Variants in MAP1LC3B2 observed in about 807,000 individuals in gnomAD.
MAP1LC3B2 encodes microtubule associated protein 1 light chain 3 beta 2, also known as microtubule-associated protein 1 light chain 3 beta 2.
For missense variants in MAP1LC3B2, 155 were observed against 154.6 expected (o/e 1.00, Z -0.01); for synonymous variants, 62 against 57.8 (o/e 1.07, Z -0.33).
chr12:116,575,939 C>A lies in MAP1LC3B2; in HGVS notation c.-4C>A. On this transcript the variant is annotated 5_prime_UTR_variant, in exon 2 of 2. Transcript: ENST00000556529. ...GTCGCCGCCGCGGCCCAGATCCCCA[C>A]ACCATGCCGTCGGAGAAGACCTTCA... 1 of 1,614,224 alleles carries A rather than the reference C, an allele frequency of 6.2e-7. No homozygotes were observed.
At chr12:116,571,347 G>A (rs913962743) in intron 1 of MAP1LC3B2, among the ~76,000 whole-genome samples, 2 of 151,236 alleles carry the variant, frequency 1.3e-5, no homozygotes, top group Non-Finnish European at 2.9e-5. Context: ...TCTGACTACT[G>A]TTGTGCAAGA....
chr12:116,572,592 C>T (rs530273198), intron 1 of MAP1LC3B2, among the ~76,000 whole-genome samples: 4 of 152,126 alleles, frequency 2.6e-5, no homozygotes, highest in Non-Finnish European at 2.9e-5. Context: ...TCTCGAACTC[C>T]TGACCTTTTG....
At chr12:116,566,523 A>G (rs1186349364) in intron 1 of MAP1LC3B2, among the ~76,000 whole-genome samples, 1 of 150,518 alleles carries the variant, frequency 6.6e-6, no homozygotes, top group Non-Finnish European at 1.5e-5. Context: ...CCAAATCCTT[A>G]AAATATCCAC....
rs890589835 is a variant in MAP1LC3B2, at chr12:116,575,881, G to A, written c.-62G>A. Reference sequence around the variant, plus strand: ...AGTCGGATTCGCTGCCGCAGCAGCCGCCACCCCCAGGAGCCGCCGGGACCC... The same window carrying A: ...AGTCGGATTCGCTGCCGCAGCAGCCACCACCCCCAGGAGCCGCCGGGACCC... On this transcript the variant is annotated 5_prime_UTR_variant, in exon 2 of 2. Coordinates refer to ENST00000556529, the MANE Select transcript of MAP1LC3B2 (RefSeq NM_001085481.3). The A allele has an allele frequency of 4.0e-5, 64 of 1,604,280 alleles. 1 individual carries two copies. The highest frequency in any genetic ancestry group is 5.0e-5 in the Non-Finnish European group (59 of 1,173,394).
intron 1 of MAP1LC3B2, among the ~76,000 whole-genome samples, chr12:116,570,518 A>C (rs10850668): frequency 6.6e-6 from 1 of 151,978 alleles, no homozygotes; most frequent in Non-Finnish European, 1.5e-5. Flanking sequence ...GGGGAACTCA[A>C]TGGGAGGTAA....
intron 1 of MAP1LC3B2, among the ~76,000 whole-genome samples, chr12:116,566,626 A>AAAC (rs1173079866): frequency 7.0e-6 from 1 of 143,744 alleles, no homozygotes; most frequent in Non-Finnish European, 1.5e-5. Context: ...TAAAAAAAAA[A>AAAC]AAAAAAAAAA....
chr12:116,572,262 G>C (rs1220857836), intron 1 of MAP1LC3B2, among the ~76,000 whole-genome samples: 5 of 152,130 alleles, frequency 3.3e-5, no homozygotes, highest in Non-Finnish European at 7.4e-5. Flanking sequence ...AGGAAATCAA[G>C]GGTATCTGTT....
rs137857719 is a variant in MAP1LC3B2 at position 116,569,153 on chromosome 12, C to T, written c.-101-6689C>T. Among the ~76,000 whole-genome samples the T allele has an allele frequency of 1.2e-4, 19 of 152,210 alleles. No homozygotes were observed. The East Asian group carries it at 3.3e-3, about 26-fold the overall frequency. Reference sequence around the variant, plus strand: ...CTGGGATTACAGGTGTGAACTACCGCGCCCGGCCAATTTCTTTTCTTTATA... The same window carrying T: ...CTGGGATTACAGGTGTGAACTACCGTGCCCGGCCAATTTCTTTTCTTTATA... On this transcript the variant is annotated intron_variant, in intron 1 of 1. Coordinates refer to ENST00000556529, the MANE Select transcript of MAP1LC3B2 (RefSeq NM_001085481.3).
intron 1 of MAP1LC3B2, among the ~76,000 whole-genome samples, chr12:116,568,065 A>C (rs1471980449): frequency 6.6e-6 from 1 of 152,232 alleles, no homozygotes; most frequent in African/African-American, 2.4e-5. Flanking sequence ...ATCTCCAGTC[A>C]GGCCTAACCT....
chr12:116,572,276 C>A (rs1269894358), intron 1 of MAP1LC3B2, among the ~76,000 whole-genome samples: 1 of 152,032 alleles, frequency 6.6e-6, no homozygotes, highest in Admixed American at 6.5e-5. Flanking sequence ...ATCTGTTACT[C>A]TTTGTCCAGC....
chr12:116,576,172 A>G lies in MAP1LC3B2; in HGVS notation c.230A>G (p.Gln77Arg), dbSNP rs1340027905. ...AGGCGCTTACAGCTCAATGCTAATC[A>G]GGCCTTCTTCCTGTTGGTGAACGGA... ...IRRRLQLNAN[Q>R]AFFLLVNGHS... The change falls in exon 2 of 2, where the codon CAG (glutamine) becomes CGG (arginine). Residue 77 changes from glutamine (Q) to arginine (R), a missense_variant. Coordinates refer to ENST00000556529, the MANE Select transcript of MAP1LC3B2 (RefSeq NM_001085481.3). 1 of 1,614,042 alleles carries G rather than the reference A, an allele frequency of 6.2e-7. No individual in the cohort carries two copies. The highest frequency in any genetic ancestry group is 1.3e-5 in the African/African-American group (1 of 74,928).
At chr12:116,564,597 C>T (rs1340890724) in intron 1 of MAP1LC3B2, among the ~76,000 whole-genome samples, 1 of 152,140 alleles carries the variant, frequency 6.6e-6, no homozygotes, top group Non-Finnish European at 1.5e-5. Context: ...TGGAATTATT[C>T]AGCTTATACC....
rs370888045 is a variant in MAP1LC3B2, at chr12:116,576,059, G to A, written c.117G>A (p.Lys39=). The A allele has an allele frequency of 1.9e-6, 3 of 1,614,230 alleles. No individual in the cohort carries two copies. Among genetic ancestry groups the A allele is most frequent in the Non-Finnish European group, 1.7e-6 (2 of 1,180,054 alleles). The change falls in exon 2 of 2, where the codon AAG becomes AAA. Residue 39 remains lysine (K), a synonymous_variant. Coordinates refer to ENST00000556529, the MANE Select transcript of MAP1LC3B2 (RefSeq NM_001085481.3). ...TCCCGGTGATAATAGAACGATACAA[G>A]GGTGAGAAGCAGCTTCCTGTTCTGG... ...TKIPVIIERY[K]GEKQLPVLDK...
chr12:116,560,449 G>A (rs1241151771), intron 1 of MAP1LC3B2, among the ~76,000 whole-genome samples: 1 of 151,786 alleles, frequency 6.6e-6, no homozygotes, highest in Non-Finnish European at 1.5e-5. Context: ...GTTTCGCCAT[G>A]TTGGCCAGGC....
chr12:116,572,829 C>T (rs1303002792), intron 1 of MAP1LC3B2, among the ~76,000 whole-genome samples: 2 of 152,188 alleles, frequency 1.3e-5, no homozygotes, highest in Non-Finnish European at 2.9e-5. Context: ...AACTAAGTTC[C>T]CCAGAACAGA....
chr12:116,561,280 A>T (rs1036278646), intron 1 of MAP1LC3B2, among the ~76,000 whole-genome samples: 7 of 126,778 alleles, frequency 5.5e-5, no homozygotes, highest in Non-Finnish European at 1.1e-4. Context: ...GTCTCAAAAT[A>T]AAAAAAAAAA....
intron 1 of MAP1LC3B2, among the ~76,000 whole-genome samples, chr12:116,571,500 A>T (rs1869533076): frequency 1.3e-4 from 5 of 39,504 alleles, no homozygotes; most frequent in African/African-American, 1.9e-4. Context: ...TTTTTTTTTG[A>T]GACGGAGTCT....
intron 1 of MAP1LC3B2, among the ~76,000 whole-genome samples, chr12:116,572,249 G>A (rs1869556102): frequency 6.6e-6 from 1 of 152,180 alleles, no homozygotes; most frequent in Non-Finnish European, 1.5e-5. Flanking sequence ...TATTGCATAT[G>A]AAAGGAAATC....
At chr12:116,574,712 A>AATTTTTAGT (rs1429236608) in intron 1 of MAP1LC3B2, among the ~76,000 whole-genome samples, 1 of 151,558 alleles carries the variant, frequency 6.6e-6, no homozygotes, top group Admixed American at 6.6e-5. Flanking sequence ...TAATTTTGGT[A>AATTTTTAGT]ATTTTTAGTA....
Sources: allele counts gnomAD v4.1 joint callset (sites outside exome capture counted in the v4.1 genomes callset), GRCh38; gene constraint gnomAD v4.1.1; transcripts MANE v1.5; gene names NCBI Gene and HGNC (gene_info 2026-07-23, HGNC 2026-07-21).